The following NFASC variants were observed in gnomAD, a reference collection of about 807,000 sequenced individuals.
NFASC encodes the protein neurofascin.
NFASC carries 43 observed loss-of-function variants against 147.5 expected under a neutral mutation model. The observed-to-expected ratio is 0.29, with a 90% CI of 0.23 to 0.38. The LOEUF is 0.38. Ranked by LOEUF, NFASC falls within the 10% of genes least tolerant of loss-of-function variation. The pLI is 1.00. For missense variants in NFASC, 1,320 were observed against 1,689.0 expected, an observed-to-expected ratio of 0.78 and a Z score of 3.83; for synonymous variants, 622 against 665.5, an observed-to-expected ratio of 0.93 and a Z score of 1.01.
At chr1:204,945,577 A>G (rs1382955670) in intron 3 of NFASC, among the ~76,000 whole-genome samples, 1 of 152,252 alleles carries the variant, frequency 6.6e-6, no homozygotes, top group Non-Finnish European at 1.5e-5. Context: ...ACTGTAAGTC[A>G]GACCCAGAGG....
At position 204,970,667 on chromosome 1, in the gene NFASC, A is replaced by G; in HGVS notation, c.1055A>G (p.Glu352Gly). The G allele has an allele frequency of 6.2e-7, 1 of 1,614,178 alleles. No individual in the cohort carries two copies. Among genetic ancestry groups the G allele is most frequent in the Non-Finnish European group, 8.5e-7 (1 of 1,180,038 alleles). ...EPKNLILAPG[E>G]DGRLVCRANG... ...AAGAACCTTATTCTGGCTCCTGGCG[A>G]GGATGGGAGACTGGTGTGTCGAGCC... is the stretch of plus-strand genomic sequence containing the variant. Residue 352 changes from glutamate (E) to glycine (G), a missense_variant, in exon 11 of 30, where the codon GAG becomes GGG. Physicochemically the swap from Glu to Gly is moderately conservative, Grantham distance 98. Around this residue, in one of 3 missense-constraint regions of NFASC, gnomAD observed 981 missense variants for 1,289.5 expected, o/e 0.76. Coordinates refer to ENST00000339876, the MANE Select transcript of NFASC (RefSeq NM_001005388.3).
chr1:204,920,569 CT>C (rs995148944), intron 1 of NFASC, 62 bp from the exon 2 acceptor site: 1,748 of 780,066 alleles, frequency 2.2e-3, no homozygotes, highest in Non-Finnish European at 2.6e-3. Context: ...ACCACAAAGG[CT>C]TTTTTTTTTC....
chr1:204,907,367 T>C (rs1408006196), intron 1 of NFASC, among the ~76,000 whole-genome samples: 2 of 152,234 alleles, frequency 1.3e-5, no homozygotes, highest in African/African-American at 4.8e-5. Flanking sequence ...AAGCCCTTTA[T>C]AGATTATCAA....
At chr1:204,983,946 G>A (rs2095557044) in intron 21 of NFASC, 6 of 912,762 alleles carry the variant, frequency 6.6e-6, no homozygotes, top group South Asian at 5.6e-5. Context: ...TGGAGTGCAG[G>A]TACAGGCCAG....
chr1:204,958,376 G>A (rs757494226), intron 8 of NFASC, among the ~76,000 whole-genome samples: 2 of 152,232 alleles, frequency 1.3e-5, no homozygotes, highest in Non-Finnish European at 2.9e-5. Context: ...ATATGGAATC[G>A]CTATGTTTGT....
At position 205,002,686 on chromosome 1, in the gene NFASC, G is replaced by A. The variant is rs755510601; in HGVS notation, c.3227G>A (p.Arg1076Gln). Residue 1076 changes from arginine to glutamine, a missense_variant, in exon 27 of 30, where the codon CGG becomes CAG. Physicochemically the swap from Arg to Gln is conservative, Grantham distance 43. This residue lies in a region of NFASC where 167 missense variants were observed against 233.8 expected (regional missense o/e 0.71). Coordinates refer to ENST00000339876, the MANE Select transcript of NFASC (RefSeq NM_001005388.3). ...TATCCCGGGATGACATACACGTTGC[G>A]GGTTTATTCCCGGGACAACGAGGGC... ...DLYPGMTYTL[R>Q]VYSRDNEGIS... The A allele has an allele frequency of 2.0e-5, 31 of 1,584,074 alleles. No individual in the cohort carries two copies. Among genetic ancestry groups the A allele is most frequent in the Non-Finnish European group, 2.6e-5 (30 of 1,157,906 alleles).
At chr1:204,876,759 A>G (rs1050380544) in intron 1 of NFASC, among the ~76,000 whole-genome samples, 8 of 151,978 alleles carry the variant, frequency 5.3e-5, no homozygotes, top group South Asian at 2.1e-4. Flanking sequence ...GGCTCATTAT[A>G]TTGCAGCAAG....
At chr1:204,856,587 A>G (rs2076182422) in intron 1 of NFASC, among the ~76,000 whole-genome samples, 1 of 152,198 alleles carries the variant, frequency 6.6e-6, no homozygotes, top group Non-Finnish European at 1.5e-5. Flanking sequence ...GATTCACAAT[A>G]TTGTGCAGCT....
chr1:204,843,002 G>T (rs533899128), intron 1 of NFASC, among the ~76,000 whole-genome samples: 1 of 152,234 alleles, frequency 6.6e-6, no homozygotes, highest in Non-Finnish European at 1.5e-5. Context: ...GCTGGGTCAG[G>T]TGCTGGCTCC....
rs1223229958 is a variant in NFASC, at chr1:204,975,804, AC to A, written c.1706+390del. On this transcript the variant is annotated intron_variant, in intron 15 of 29. Transcript: ENST00000339876. This position sits in a 1 kb window ranked among gnomAD's most constrained non-coding sequence, Gnocchi z 4.0. Reference sequence around the variant, plus strand: ...CCAGCCTTTCAGCCCTATTTGCAGTACCCCTAATCTTCAGCAGAGGGCAGGG... The same window carrying A: ...CCAGCCTTTCAGCCCTATTTGCAGTACCCTAATCTTCAGCAGAGGGCAGGG... Among the ~76,000 whole-genome samples the A allele has an allele frequency of 6.6e-6, 1 of 151,752 alleles. No individual in the cohort carries two copies. Among genetic ancestry groups the A allele is most frequent in the Non-Finnish European group, 1.5e-5 (1 of 67,926 alleles).
In NFASC at chr1:204,997,279, A is replaced by C. The variant is rs776837185; in HGVS notation, c.2892A>C (p.Pro964=). Reference sequence around the variant, plus strand: ...AAGCCACAACAGTCCCCATCATCCCAACTGTCGCACCTACCACCATCGCCA... The same window carrying C: ...AAGCCACAACAGTCCCCATCATCCCCACTGTCGCACCTACCACCATCGCCA... The part of the protein sequence containing the change: ...TTEATTVPII[P]TVAPTTIATT... Residue 964 remains proline, a synonymous_variant, in exon 25 of 30, where the codon CCA becomes CCC. Transcript: ENST00000339876. 1 of 1,611,754 alleles carries C rather than the reference A, an allele frequency of 6.2e-7. No homozygotes were observed. Among genetic ancestry groups the C allele is most frequent in the Non-Finnish European group, 8.5e-7 (1 of 1,178,856 alleles).
In NFASC at chr1:204,954,687, G is replaced by A. The variant is rs184402349; in HGVS notation, c.413-142G>A. Reference sequence around the variant, plus strand: ...AGGGCGGCCCCTTGAGTAGGCTCACGTGCCCCGTCCCTCTCTCTTGCTCCC... The same window carrying A: ...AGGGCGGCCCCTTGAGTAGGCTCACATGCCCCGTCCCTCTCTCTTGCTCCC... On this transcript the variant is annotated intron_variant, in intron 6 of 29. Transcript: ENST00000339876. The surrounding 1 kb of genome is among the most constrained non-coding windows in gnomAD (Gnocchi z 5.7). 58 of 1,015,332 alleles carry A rather than the reference G, an allele frequency of 5.7e-5. 1 individual carries two copies. The highest frequency in any genetic ancestry group is 3.4e-4 in the Admixed American group (15 of 44,136). The allele number at this position is 1,015,332 out of a possible 1,614,324, so 62.9% of individuals were successfully genotyped here. A position where few individuals can be genotyped will look rare whatever the true frequency, so the allele number is the denominator to read the frequency against.
chr1:204,909,832 A>C (rs1245163874), intron 1 of NFASC, among the ~76,000 whole-genome samples: 1 of 151,960 alleles, frequency 6.6e-6, no homozygotes, highest in Admixed American at 6.6e-5. Flanking sequence ...CATTTGTCGA[A>C]AAGACTGTCT....
At chr1:204,850,552 G>A (rs1157424816) in intron 1 of NFASC, among the ~76,000 whole-genome samples, 1 of 152,206 alleles carries the variant, frequency 6.6e-6, no homozygotes, top group Non-Finnish European at 1.5e-5. Context: ...TGAATCATGG[G>A]CACAGACGTC....
At chr1:204,907,865 G>A (rs755615550) in intron 1 of NFASC, among the ~76,000 whole-genome samples, 18 of 152,182 alleles carry the variant, frequency 1.2e-4, no homozygotes, top group Non-Finnish European at 1.5e-4. Context: ...ATTCTCAGGA[G>A]AAATAGCTTT....
intron 8 of NFASC, among the ~76,000 whole-genome samples, chr1:204,960,580 A>G (rs1263302633): frequency 6.6e-5 from 10 of 152,252 alleles, no homozygotes. Context: ...CCACGAGGTC[A>G]GTTCTGGGCG....
At chr1:204,978,605 C>T (rs560121069) in intron 17 of NFASC, among the ~76,000 whole-genome samples, 5 of 152,338 alleles carry the variant, frequency 3.3e-5, no homozygotes, top group African/African-American at 1.2e-4. Context: ...ATCAGCCTTC[C>T]TAAGTGTCGT....
At chr1:204,843,669 T>C (rs1676137041) in intron 1 of NFASC, among the ~76,000 whole-genome samples, 1 of 126,786 alleles carries the variant, frequency 7.9e-6, no homozygotes, top group Non-Finnish European at 1.6e-5. Flanking sequence ...CCTTCCTCCC[T>C]CCCTTCCTCC....
intron 1 of NFASC, among the ~76,000 whole-genome samples, chr1:204,890,253 G>A (rs188395651): frequency 3.2e-4 from 48 of 152,304 alleles, no homozygotes; most frequent in Non-Finnish European, 4.4e-4. Flanking sequence ...TGTGTTGGCT[G>A]CACATGTGCT....
Sources: gnomAD v4.1 joint callset for allele counts (sites outside exome capture counted in the v4.1 genomes callset) on GRCh38, gnomAD v4.1.1 for gene constraint, gnomAD v4.1.1 regional missense constraint, Gnocchi (gnomAD v3.1) non-coding constraint, MANE v1.5 for transcripts, NCBI Gene and HGNC (gene_info 2026-07-23, HGNC 2026-07-21) for gene names.